Variants in SORCS2 observed in about 807,000 individuals in gnomAD.
The protein encoded by SORCS2 is sortilin related VPS10 domain containing receptor 2.
In SORCS2, 100 loss-of-function variants were observed where a neutral mutation model predicts 141.6. That is an observed-to-expected ratio of 0.71 (90% CI 0.60 to 0.83). SORCS2 has a LOEUF of 0.83. Ranked by LOEUF, SORCS2 falls within the 40% of genes least tolerant of loss-of-function variation. SORCS2 has a pLI of 0.00. For synonymous variants in SORCS2, 789 were observed against 676.9 expected, an observed-to-expected ratio of 1.17 and a Z score of -2.57; for missense variants, 1,646 against 1,560.2, an observed-to-expected ratio of 1.05 and a Z score of -0.93.
chr4:7,738,070 C>T (rs1712341758), intron 26 of SORCS2, among the ~76,000 whole-genome samples: 1 of 152,254 alleles, frequency 6.6e-6, no homozygotes, highest in South Asian at 2.1e-4. Context: ...TACGCTGTCA[C>T]TTGTGTCTTG....
intron 1 of SORCS2, among the ~76,000 whole-genome samples, chr4:7,296,522 C>A (rs1717068215): frequency 6.6e-6 from 1 of 152,208 alleles, no homozygotes; most frequent in South Asian, 2.1e-4. Flanking sequence ...TCCCCACCCA[C>A]CCCACCAAGG....
At chr4:7,458,914 G>GC (rs1013699836) in intron 2 of SORCS2, among the ~76,000 whole-genome samples, 1 of 152,202 alleles carries the variant, frequency 6.6e-6, no homozygotes, top group African/African-American at 2.4e-5. Flanking sequence ...ATAACTGGCT[G>GC]TGGGACCATG....
chr4:7,549,314 G>A (rs1713507722), intron 3 of SORCS2, among the ~76,000 whole-genome samples: 1 of 152,104 alleles, frequency 6.6e-6, no homozygotes, highest in South Asian at 2.1e-4. Context: ...TTTGAAGCTT[G>A]AAAGGAACTC....
At chr4:7,587,173 G>C (rs1475698067) in intron 3 of SORCS2, among the ~76,000 whole-genome samples, 3 of 152,010 alleles carry the variant, frequency 2.0e-5, no homozygotes, top group South Asian at 2.1e-4. Context: ...ATGCCCTTCA[G>C]TTGTCTGATG....
At chr4:7,470,647 G>A (rs935129757) in intron 2 of SORCS2, among the ~76,000 whole-genome samples, 5 of 152,152 alleles carry the variant, frequency 3.3e-5, no homozygotes, top group Non-Finnish European at 7.4e-5. Context: ...GAGAGACACA[G>A]GTGATGATCT....
chr4:7,671,738 A>G (rs997618680), intron 8 of SORCS2, among the ~76,000 whole-genome samples: 42 of 152,102 alleles, frequency 2.8e-4, no homozygotes, highest in Non-Finnish European at 8.8e-5. Flanking sequence ...AGACCAACAT[A>G]TGATTGTGGG....
chr4:7,427,485 G>A (rs776903901), intron 2 of SORCS2, among the ~76,000 whole-genome samples: 6 of 152,186 alleles, frequency 3.9e-5, no homozygotes, highest in Non-Finnish European at 7.3e-5. Context: ...TGAGACGGTG[G>A]CAGGGGCCGA....
chr4:7,585,882 C>T (rs192071516), intron 3 of SORCS2, among the ~76,000 whole-genome samples: 4 of 152,354 alleles, frequency 2.6e-5, no homozygotes, highest in African/African-American at 4.8e-5. Context: ...CTCTTCCTTG[C>T]AGACATCTGA....
chr4:7,492,343 TG>T, intron 2 of SORCS2, among the ~76,000 whole-genome samples: 1 of 152,356 alleles, frequency 6.6e-6, no homozygotes, highest in African/African-American at 2.4e-5. Context: ...TTTCTGTGCC[TG>T]GCTTGTTTCA....
chr4:7,708,926 C>G (rs1560500823), intron 14 of SORCS2, among the ~76,000 whole-genome samples: 1 of 152,190 alleles, frequency 6.6e-6, no homozygotes, highest in East Asian at 1.9e-4. Flanking sequence ...TTTCCCTGAA[C>G]AGTTAATTCC....
At chr4:7,303,404 G>T (rs79082446) in intron 1 of SORCS2, among the ~76,000 whole-genome samples, 3 of 152,136 alleles carry the variant, frequency 2.0e-5, no homozygotes, top group Admixed American at 2.0e-4. Context: ...AAAGAAACCC[G>T]TCTCATCCCT....
chr4:7,715,157 T>G, intron 16 of SORCS2, 26 bp from the exon 17 acceptor site: 1 of 1,611,080 alleles, frequency 6.2e-7, no homozygotes, highest in Non-Finnish European at 8.5e-7. Flanking sequence ...TGCCCGTCAC[T>G]TACCACTACT....
chr4:7,504,632 G>A (rs987859530), intron 2 of SORCS2, among the ~76,000 whole-genome samples: 1 of 152,306 alleles, frequency 6.6e-6, no homozygotes, highest in Middle Eastern at 3.4e-3. Flanking sequence ...TGGCCTGGGT[G>A]GTTGGTCACA....
chr4:7,723,954 A>G, intron 19 of SORCS2, 71 bp downstream of exon 19: 1 of 1,463,730 alleles, frequency 6.8e-7, no homozygotes, highest in Non-Finnish European at 9.0e-7. Flanking sequence ...TGGGGGAAAC[A>G]CAGGGAAGCC....
At position 7,415,302 on chromosome 4, in the gene SORCS2, C is replaced by T. The variant is rs965136789; in HGVS notation, c.548+18947C>T. Among the ~76,000 whole-genome samples the T allele has an allele frequency of 2.0e-5, 3 of 152,206 alleles. No homozygotes were observed. In the South Asian group the frequency reaches 6.2e-4, roughly 32 times the overall value. On this transcript the variant is annotated intron_variant, in intron 2 of 26. Coordinates refer to ENST00000507866, the MANE Select transcript of SORCS2 (RefSeq NM_020777.3). ...GCTCCAGTCAAGATGTGGACCGGGT[C>T]GTTTCTCTCCCAGGGCTCTAGGAAA... is the stretch of plus-strand genomic sequence containing the variant.
intron 3 of SORCS2, among the ~76,000 whole-genome samples, chr4:7,598,621 G>A (rs183384296): frequency 2.0e-5 from 3 of 152,300 alleles, no homozygotes; most frequent in East Asian, 3.9e-4. Flanking sequence ...AAGAGGAGGC[G>A]GGTGGTGGCT....
At chr4:7,373,483 T>TAA (rs1560228538) in intron 1 of SORCS2, among the ~76,000 whole-genome samples, 4 of 32,588 alleles carry the variant, frequency 1.2e-4, no homozygotes, top group African/African-American at 3.0e-4. Context: ...TATATATTTT[T>TAA]TTTTTTTTTT....
chr4:7,391,212 G>A (rs1351418901), intron 1 of SORCS2, among the ~76,000 whole-genome samples: 1 of 152,240 alleles, frequency 6.6e-6, no homozygotes, highest in Non-Finnish European at 1.5e-5. Flanking sequence ...TGACCTCCCA[G>A]TTCATGCTGT....
At chr4:7,316,788 C>A (rs991014770) in intron 1 of SORCS2, among the ~76,000 whole-genome samples, 2 of 152,138 alleles carry the variant, frequency 1.3e-5, no homozygotes, top group Non-Finnish European at 2.9e-5. Flanking sequence ...AAGCACTAGC[C>A]CACACTCCCC....
Sources: allele counts gnomAD v4.1 joint callset (sites outside exome capture counted in the v4.1 genomes callset), GRCh38; gene constraint gnomAD v4.1.1; transcripts MANE v1.5; gene names NCBI Gene and HGNC (gene_info 2026-07-23, HGNC 2026-07-21).